CCBE1: variants seen among roughly 807,000 people sequenced by gnomAD.
CCBE1 encodes collagen and calcium-binding EGF domain-containing protein 1.
CCBE1 carries 37 observed loss-of-function variants against 50.0 expected under a neutral mutation model. The ratio of observed to expected loss-of-function variants is 0.74; its 90% CI spans 0.57 to 0.97. The LOEUF is 0.97. Among genes scored for constraint, CCBE1 ranks in the 50% least tolerant of loss-of-function variants. The pLI, the probability that CCBE1 is intolerant of heterozygous loss-of-function variation, is 0.00. For missense variants in CCBE1, 538 were observed against 523.8 expected, an observed-to-expected ratio of 1.03 and a Z score of -0.26; for synonymous variants, 234 against 203.7, an observed-to-expected ratio of 1.15 and a Z score of -1.27.
chr18:59,476,000 G>T (rs1288573106), intron 3 of CCBE1, among the ~76,000 whole-genome samples: 1 of 152,240 alleles, frequency 6.6e-6, no homozygotes, highest in Non-Finnish European at 1.5e-5. Flanking sequence ...TTACAGGCGT[G>T]AGCCACTGCG....
chr18:59,542,466 A>C (rs954854495), intron 2 of CCBE1, among the ~76,000 whole-genome samples: 1 of 152,218 alleles, frequency 6.6e-6, no homozygotes, highest in Non-Finnish European at 1.5e-5. Flanking sequence ...AAAGCAACAG[A>C]TTTTTAAAAT....
intron 2 of CCBE1, among the ~76,000 whole-genome samples, chr18:59,601,035 T>G (rs968465447): frequency 4.9e-5 from 5 of 101,516 alleles, no homozygotes; most frequent in Admixed American, 9.3e-5. Context: ...TTTTTTTTTT[T>G]TTTTTTTTTT....
At chr18:59,516,377 A>G (rs1462234129) in intron 2 of CCBE1, among the ~76,000 whole-genome samples, 1 of 152,190 alleles carries the variant, frequency 6.6e-6, no homozygotes, top group African/African-American at 2.4e-5. Context: ...TAGGAATGCA[A>G]GTATCTGCAA....
chr18:59,522,809 G>A (rs1237460316), intron 2 of CCBE1, among the ~76,000 whole-genome samples: 1 of 151,920 alleles, frequency 6.6e-6, no homozygotes, highest in Non-Finnish European at 1.5e-5. Context: ...CTAATATGGT[G>A]AAACCTCGTC....
chr18:59,518,097 C>T (rs1211835309), intron 2 of CCBE1, among the ~76,000 whole-genome samples: 1 of 152,136 alleles, frequency 6.6e-6, no homozygotes, highest in Non-Finnish European at 1.5e-5. Context: ...TGGACTGGGG[C>T]ATAAAACAGT....
rs118006034 is a variant in CCBE1 at position 59,693,355 on chromosome 18, C to T, written c.212+3274G>A. On this transcript the variant is annotated intron_variant, in intron 2 of 10. Transcript: ENST00000439986. ...TCATTTGTGACCAGCTTTCATGGTC[C>T]CCCTTTTTTGTCCCCCAACTTGAGA... 7.9e-4 allele frequency among the ~76,000 whole-genome samples: 120 copies of T among 152,156 alleles called. 1 individual carries two copies. In the East Asian group the frequency reaches 0.014, roughly 18 times the overall value.
At chr18:59,650,256 C>T (rs969618953) in intron 2 of CCBE1, among the ~76,000 whole-genome samples, 1 of 151,034 alleles carries the variant, frequency 6.6e-6, no homozygotes, top group Non-Finnish European at 1.5e-5. Context: ...TTCCATTGTC[C>T]ACCCCTGCCC....
chr18:59,543,928 T>A (rs1482118730), intron 2 of CCBE1, among the ~76,000 whole-genome samples: 1 of 151,976 alleles, frequency 6.6e-6, no homozygotes, highest in East Asian at 1.9e-4. Context: ...TCTGTTTGTG[T>A]TTAAACGAGC....
At chr18:59,490,315 GGTTA>G (rs893522279) in intron 2 of CCBE1, among the ~76,000 whole-genome samples, 5 of 151,720 alleles carry the variant, frequency 3.3e-5, no homozygotes, top group African/African-American at 1.2e-4. Context: ...ACAAAATAAA[GGTTA>G]GTTTGGAGAT....
intron 3 of CCBE1, among the ~76,000 whole-genome samples, chr18:59,476,976 T>C (rs1912337028): frequency 6.6e-6 from 1 of 152,244 alleles, no homozygotes; most frequent in African/African-American, 2.4e-5. Flanking sequence ...TTGCTTCCTG[T>C]TCCTATAACT....
chr18:59,611,639 G>C (rs542932945), intron 2 of CCBE1, among the ~76,000 whole-genome samples: 2 of 152,256 alleles, frequency 1.3e-5, no homozygotes. Context: ...CCGGCTACTT[G>C]GGAGGCTAGG....
chr18:59,652,696 G>A (rs1400773967), intron 2 of CCBE1, among the ~76,000 whole-genome samples: 1 of 152,240 alleles, frequency 6.6e-6, no homozygotes, highest in East Asian at 1.9e-4. Context: ...CGGGCGCAGT[G>A]GCTCCCGCCT....
At chr18:59,583,844 T>A (rs2053132551) in intron 2 of CCBE1, among the ~76,000 whole-genome samples, 1 of 152,154 alleles carries the variant, frequency 6.6e-6, no homozygotes, top group Admixed American at 6.5e-5. Flanking sequence ...CCTGTGCAAA[T>A]CTCATGTTGA....
At chr18:59,498,819 T>TGTTTA (rs1913477702) in intron 2 of CCBE1, among the ~76,000 whole-genome samples, 1 of 152,164 alleles carries the variant, frequency 6.6e-6, no homozygotes, top group Non-Finnish European at 1.5e-5. Context: ...ACAGATGCAT[T>TGTTTA]TCTATTTCAT....
intron 2 of CCBE1, among the ~76,000 whole-genome samples, chr18:59,672,887 T>C (rs917851106): frequency 6.6e-6 from 1 of 152,102 alleles, no homozygotes; most frequent in African/African-American, 2.4e-5. Flanking sequence ...GATAAAAGAC[T>C]ACAAATTGGT....
intron 2 of CCBE1, among the ~76,000 whole-genome samples, chr18:59,523,172 T>A (rs1189019345): frequency 6.6e-6 from 1 of 151,708 alleles, no homozygotes; most frequent in Non-Finnish European, 1.5e-5. Flanking sequence ...TGTATCCTCA[T>A]GAGCAATGAG....
intron 2 of CCBE1, among the ~76,000 whole-genome samples, chr18:59,496,393 A>C (rs71336342): frequency 0.022 from 3,288 of 152,302 alleles, 146 homozygotes; most frequent in East Asian, 0.21. Context: ...TATCCAAGAT[A>C]TTATTTATAA....
At chr18:59,557,052 G>A (rs2052666352) in intron 2 of CCBE1, among the ~76,000 whole-genome samples, 1 of 152,164 alleles carries the variant, frequency 6.6e-6, no homozygotes, top group Non-Finnish European at 1.5e-5. Context: ...TAGGGCACCA[G>A]GTGCAGCTCA....
At chr18:59,690,327 G>T (rs2054713224) in intron 2 of CCBE1, among the ~76,000 whole-genome samples, 1 of 152,202 alleles carries the variant, frequency 6.6e-6, no homozygotes, top group Non-Finnish European at 1.5e-5. Context: ...AGGAACTGCA[G>T]ATGTTATAGC....
Sources: allele counts gnomAD v4.1 joint callset (sites outside exome capture counted in the v4.1 genomes callset), GRCh38; gene constraint gnomAD v4.1.1; transcripts MANE v1.5; gene names NCBI Gene and HGNC (gene_info 2026-07-23, HGNC 2026-07-21).